Variants in SLC35F4 observed in about 807,000 individuals in gnomAD.
SLC35F4 encodes chromosome 14 open reading frame 36.
Under a neutral mutation model 44.2 loss-of-function variants are expected in SLC35F4, and 24 were observed. That is an observed-to-expected ratio of 0.54 (90% CI 0.39 to 0.76). The LOEUF (loss-of-function observed/expected upper bound fraction) is 0.76. Among genes scored for constraint, SLC35F4 ranks in the 30% least tolerant of loss-of-function variants. The pLI is 0.00. For synonymous variants in SLC35F4, 238 were observed against 223.6 expected, an observed-to-expected ratio of 1.06 and a Z score of -0.57; for missense variants, 562 against 586.1, an observed-to-expected ratio of 0.96 and a Z score of 0.42.
intron 2 of SLC35F4, among the ~76,000 whole-genome samples, chr14:57,593,384 C>T (rs1024522872): frequency 3.9e-5 from 6 of 152,112 alleles, no homozygotes; most frequent in African/African-American, 1.4e-4. Context: ...GTCAGTAACC[C>T]AGGAGTTGGC....
intron 1 of SLC35F4, among the ~76,000 whole-genome samples, chr14:57,793,623 C>A (rs1369999559): frequency 6.6e-6 from 1 of 151,724 alleles, no homozygotes; most frequent in East Asian, 1.9e-4. Context: ...ACCAAATTTT[C>A]TTTATCCGTT....
At chr14:57,945,439 A>ATG (rs58976756) in intron 1 of SLC35F4, among the ~76,000 whole-genome samples, 10,031 of 104,590 alleles carry the variant, frequency 0.096, 687 homozygotes, top group Non-Finnish European at 0.11. Flanking sequence ...AGCAATGATA[A>ATG]TGTGTGTGTG....
chr14:57,968,152 T>C (rs1017482048), intron 1 of SLC35F4, among the ~76,000 whole-genome samples: 1 of 152,238 alleles, frequency 6.6e-6, no homozygotes, highest in Non-Finnish European at 1.5e-5. Flanking sequence ...ACTTCACAGA[T>C]CTGGTTCTAA....
At chr14:57,844,044 C>A (rs1885756468) in intron 1 of SLC35F4, among the ~76,000 whole-genome samples, 1 of 151,980 alleles carries the variant, frequency 6.6e-6, no homozygotes, top group South Asian at 2.1e-4. Context: ...AATTTATGTT[C>A]AATTTTTATT....
intron 1 of SLC35F4, among the ~76,000 whole-genome samples, chr14:57,595,102 T>A (rs1440253283): frequency 1.3e-5 from 2 of 152,232 alleles, no homozygotes; most frequent in African/African-American, 4.8e-5. Flanking sequence ...TAGGACCCTA[T>A]TCAGGATACC....
intron 1 of SLC35F4, among the ~76,000 whole-genome samples, chr14:57,829,156 T>A (rs118128999): frequency 0.021 from 3,160 of 152,302 alleles, 54 homozygotes; most frequent in Middle Eastern, 0.041. Flanking sequence ...ACAAATGATG[T>A]TAGAGGCATT....
At chr14:57,699,920 C>G (rs1431577944) in intron 1 of SLC35F4, among the ~76,000 whole-genome samples, 1 of 152,146 alleles carries the variant, frequency 6.6e-6, no homozygotes, top group African/African-American at 2.4e-5. Flanking sequence ...AATTTAAGGT[C>G]TAATTGCACA....
At chr14:57,743,758 C>A (rs2076683756) in intron 1 of SLC35F4, among the ~76,000 whole-genome samples, 1 of 152,134 alleles carries the variant, frequency 6.6e-6, no homozygotes, top group Non-Finnish European at 1.5e-5. Context: ...CAAAGGCTGG[C>A]AAAGACACAA....
chr14:57,793,228 T>C (rs564069483), intron 1 of SLC35F4, among the ~76,000 whole-genome samples: 1 of 152,178 alleles, frequency 6.6e-6, no homozygotes, highest in East Asian at 1.9e-4. Context: ...ACCTTTTTTA[T>C]GCTCATTTTT....
At chr14:57,884,898 G>A (rs1236917345) in intron 1 of SLC35F4, among the ~76,000 whole-genome samples, 1 of 152,018 alleles carries the variant, frequency 6.6e-6, no homozygotes, top group African/African-American at 2.4e-5. Context: ...CTTCTGTGTT[G>A]GAGAGCTCTA....
intron 1 of SLC35F4, among the ~76,000 whole-genome samples, chr14:57,889,865 T>C (rs1888723130): frequency 6.6e-6 from 1 of 152,204 alleles, no homozygotes. Context: ...CATTCATTCA[T>C]CTGACAAATG....
At chr14:57,802,925 T>C (rs1234075863) in intron 1 of SLC35F4, among the ~76,000 whole-genome samples, 2 of 145,050 alleles carry the variant, frequency 1.4e-5, no homozygotes, top group African/African-American at 5.2e-5. Context: ...AAGGAAGGAC[T>C]CCTTCTTAAC....
intron 1 of SLC35F4, among the ~76,000 whole-genome samples, chr14:57,665,804 A>G (rs1371939905): frequency 6.6e-6 from 1 of 152,198 alleles, no homozygotes; most frequent in African/African-American, 2.4e-5. Flanking sequence ...AGCCATAAAC[A>G]AGAATGAGAT....
chr14:57,607,621 T>C (rs1245705677), intron 1 of SLC35F4, among the ~76,000 whole-genome samples: 1 of 152,214 alleles, frequency 6.6e-6, no homozygotes, highest in Admixed American at 6.5e-5. Flanking sequence ...TCTCGGCCAA[T>C]GCCCACTTCC....
At chr14:57,853,238 G>T (rs1399807509) in intron 1 of SLC35F4, among the ~76,000 whole-genome samples, 2 of 152,016 alleles carry the variant, frequency 1.3e-5, no homozygotes, top group Non-Finnish European at 2.9e-5. Flanking sequence ...ATAGACACTT[G>T]GATTTTCTCA....
chr14:57,816,621 G>A (rs184002931), intron 1 of SLC35F4, among the ~76,000 whole-genome samples: 183 of 152,286 alleles, frequency 1.2e-3, no homozygotes, highest in African/African-American at 4.0e-3. Context: ...CACATTGAAC[G>A]CTGTATATTC....
chr14:57,590,262 A>ATATACCT lies in SLC35F4; in HGVS notation c.290-756_290-750dup, dbSNP rs1231866142. 9.9e-5 allele frequency among the ~76,000 whole-genome samples: 15 copies of ATATACCT among 150,814 alleles called. No homozygotes were observed. In the East Asian group the frequency reaches 2.9e-3, roughly 29 times the overall value. ...AAAAAAATTAGCCGTGGGAGGTGGC[A>ATATACCT]TATACCTTTAGTCCCAGCAACTCCA... On this transcript the variant is annotated intron_variant, in intron 2 of 7. Coordinates refer to ENST00000556826, the MANE Select transcript of SLC35F4 (RefSeq NM_001306087.2).
intron 3 of SLC35F4, among the ~76,000 whole-genome samples, chr14:57,584,361 G>C (rs1197635383): frequency 7.2e-5 from 11 of 152,162 alleles, no homozygotes; most frequent in African/African-American, 2.4e-4. Flanking sequence ...AGATTCTGGT[G>C]CTATGGGACA....
chr14:57,764,252 T>C (rs1269359018), intron 1 of SLC35F4, among the ~76,000 whole-genome samples: 3 of 152,196 alleles, frequency 2.0e-5, no homozygotes, highest in Non-Finnish European at 4.4e-5. Flanking sequence ...TTAAGATGAT[T>C]TGTTATGTAG....
Sources: allele counts gnomAD v4.1 joint callset (sites outside exome capture counted in the v4.1 genomes callset), GRCh38; gene constraint gnomAD v4.1.1; transcripts MANE v1.5; gene names NCBI Gene and HGNC (gene_info 2026-07-23, HGNC 2026-07-21).